SULT4A1: variants seen among roughly 807,000 people sequenced by gnomAD.
SULT4A1 encodes sulfotransferase family 4A member 1.
In SULT4A1, 11 loss-of-function variants were observed where a neutral mutation model predicts 35.2. That is an observed-to-expected ratio of 0.31 (90% CI 0.20 to 0.52). The LOEUF (loss-of-function observed/expected upper bound fraction) is 0.52. Ranked by LOEUF, SULT4A1 falls within the 20% of genes least tolerant of loss-of-function variation. SULT4A1 has a pLI of 0.97. For synonymous variants in SULT4A1, 152 were observed against 151.8 expected (o/e 1.00, Z -0.01); for missense variants, 271 against 383.7 (o/e 0.71, Z 2.45).
intron 1 of SULT4A1, among the ~76,000 whole-genome samples, chr22:43,847,472 C>T (rs1035853165): frequency 1.3e-5 from 2 of 152,252 alleles, no homozygotes; most frequent in Non-Finnish European, 2.9e-5. Context: ...CTGGTGGTGC[C>T]CTTGGGCATG....
intron 1 of SULT4A1, among the ~76,000 whole-genome samples, chr22:43,859,469 T>C (rs1270981585): frequency 1.3e-5 from 2 of 152,258 alleles, no homozygotes; most frequent in African/African-American, 4.8e-5. Flanking sequence ...TCCATGACTT[T>C]GGGGCTGTGC....
intron 1 of SULT4A1, among the ~76,000 whole-genome samples, chr22:43,857,050 T>A (rs371948675): frequency 6.6e-6 from 1 of 152,072 alleles, no homozygotes; most frequent in Non-Finnish European, 1.5e-5. Flanking sequence ...AAGGAAAAGA[T>A]GGACAACACA....
At chr22:43,842,800 G>T (rs980140299) in intron 1 of SULT4A1, among the ~76,000 whole-genome samples, 1 of 152,172 alleles carries the variant, frequency 6.6e-6, no homozygotes, top group African/African-American at 2.4e-5. Context: ...AGGCGATTCC[G>T]GGGTCTAGAG....
chr22:43,828,774 G>A (rs1054937041), intron 6 of SULT4A1: 5 of 388,296 alleles, frequency 1.3e-5, no homozygotes, highest in Non-Finnish European at 2.3e-5. Flanking sequence ...ACTCCCTGCT[G>A]AGAAACATCC....
intron 5 of SULT4A1, among the ~76,000 whole-genome samples, chr22:43,832,592 A>C (rs1373705321): frequency 6.8e-6 from 1 of 146,384 alleles, no homozygotes; most frequent in African/African-American, 2.5e-5. Flanking sequence ...ACACACCCCC[A>C]CCCCGGGGCT....
At chr22:43,844,364 C>T (rs927022937) in intron 1 of SULT4A1, among the ~76,000 whole-genome samples, 1 of 152,150 alleles carries the variant, frequency 6.6e-6, no homozygotes, top group African/African-American at 2.4e-5. Context: ...CTCGTGTGTG[C>T]TGAGGACACC....
At chr22:43,840,441 G>A (rs987581192) in intron 2 of SULT4A1, among the ~76,000 whole-genome samples, 2 of 152,124 alleles carry the variant, frequency 1.3e-5, no homozygotes, top group African/African-American at 2.4e-5. Context: ...TTGGAGACAT[G>A]AGCACACCCC....
Position 43,839,084 on chromosome 22 carries a change from T to A in SULT4A1, c.382-91A>T, listed in dbSNP as rs544439911. On this transcript the variant is annotated intron_variant, in intron 3 of 6. Coordinates refer to ENST00000330884, the MANE Select transcript of SULT4A1 (RefSeq NM_014351.4). ...AGGCCAGCCTCCCTGAACCTGCTGGTGCACCTCACAAACCAACACCTGCTT... is the reference window on the plus strand; with the variant it reads ...AGGCCAGCCTCCCTGAACCTGCTGGAGCACCTCACAAACCAACACCTGCTT... 6 of 1,537,916 alleles carry A rather than the reference T, an allele frequency of 3.9e-6. No homozygotes were observed. The South Asian group carries it at 7.0e-5, about 18-fold the overall frequency.
Position 43,837,518 on chromosome 22 carries a change from AT to A in SULT4A1, c.508+1348del, listed in dbSNP as rs2063387115. On this transcript the variant is annotated intron_variant, in intron 4 of 6. Transcript: ENST00000330884. ...GAGCAGGTGCCAGGGCCAAGAGGCC[AT>A]GGGAAGAGGGGCTGGACAGAAGGCC... is the stretch of plus-strand genomic sequence containing the variant. Among the ~76,000 whole-genome samples, 3 of 152,302 alleles carry A rather than the reference AT, an allele frequency of 2.0e-5. No individual in the cohort carries two copies. The South Asian group carries it at 6.2e-4, about 32-fold the overall frequency.
At chr22:43,839,156 C>T (rs1425157936) in intron 3 of SULT4A1, among the ~76,000 whole-genome samples, 163 bp from the exon 4 acceptor site, 1 of 152,270 alleles carries the variant, frequency 6.6e-6, no homozygotes, top group African/African-American at 2.4e-5. Context: ...GGTGCTGCTG[C>T]TTCGCTGTTT....
At chr22:43,853,940 A>G (rs1053136615) in intron 1 of SULT4A1, among the ~76,000 whole-genome samples, 7 of 151,958 alleles carry the variant, frequency 4.6e-5, no homozygotes, top group Non-Finnish European at 1.0e-4. Flanking sequence ...AGGCTTTTGT[A>G]AAAAAACAGC....
intron 6 of SULT4A1, 130 bp downstream of exon 6, chr22:43,828,930 C>CA: frequency 9.4e-7 from 1 of 1,060,054 alleles, no homozygotes; most frequent in Non-Finnish European, 1.3e-6. Flanking sequence ...GGCCATGGGC[C>CA]AGCTACAGAC....
intron 5 of SULT4A1, among the ~76,000 whole-genome samples, chr22:43,829,710 C>A (rs1318709727): frequency 2.6e-5 from 4 of 152,198 alleles, no homozygotes; most frequent in Non-Finnish European, 5.9e-5. Context: ...TTTTACCACG[C>A]CTGACAGCGG....
intron 1 of SULT4A1, among the ~76,000 whole-genome samples, chr22:43,843,288 G>A (rs917125369): frequency 5.3e-5 from 8 of 152,176 alleles, no homozygotes; most frequent in African/African-American, 1.9e-4. Context: ...TGGGCATAGT[G>A]GCATACATCT....
intron 1 of SULT4A1, among the ~76,000 whole-genome samples, chr22:43,860,636 C>T (rs1382326030): frequency 6.6e-6 from 1 of 152,114 alleles, no homozygotes; most frequent in East Asian, 1.9e-4. Context: ...AGCACTGATG[C>T]CTGCTACAAA....
At chr22:43,842,224 G>T (rs1415894763) in intron 1 of SULT4A1, among the ~76,000 whole-genome samples, 1 of 152,218 alleles carries the variant, frequency 6.6e-6, no homozygotes, top group Non-Finnish European at 1.5e-5. Flanking sequence ...CTCAGGGGCT[G>T]TAACAGGTGG....
At chr22:43,856,648 A>C (rs2049403955) in intron 1 of SULT4A1, among the ~76,000 whole-genome samples, 1 of 152,214 alleles carries the variant, frequency 6.6e-6, no homozygotes. Flanking sequence ...AGGAAGACCA[A>C]AAGGTGGAGG....
rs946931408 is a variant in SULT4A1, at chr22:43,826,946, C to G, written c.743-833G>C. The G allele has an allele frequency of 3.3e-5, 33 of 985,440 alleles. No homozygotes were observed. The Admixed American group carries it at 2.0e-3, about 59-fold the overall frequency. The allele number at this position is 985,440 out of a possible 1,614,324, so 61.0% of individuals were successfully genotyped here. A position where few individuals can be genotyped will look rare whatever the true frequency, so the allele number is the denominator to read the frequency against. ...TGTGGGATAAACTGCAGGCACCGGTCTACGCTGGTTTATGAAGGCTTTGGA... is the reference window on the plus strand; with the variant it reads ...TGTGGGATAAACTGCAGGCACCGGTGTACGCTGGTTTATGAAGGCTTTGGA... On this transcript the variant is annotated intron_variant, in intron 6 of 6. Coordinates refer to ENST00000330884, the MANE Select transcript of SULT4A1 (RefSeq NM_014351.4).
At chr22:43,852,921 C>A (rs2049358108) in intron 1 of SULT4A1, among the ~76,000 whole-genome samples, 1 of 152,022 alleles carries the variant, frequency 6.6e-6, no homozygotes, top group Non-Finnish European at 1.5e-5. Flanking sequence ...CAGGACCACA[C>A]AAGTTCAGGG....
Sources: allele counts gnomAD v4.1 joint callset (sites outside exome capture counted in the v4.1 genomes callset), GRCh38; gene constraint gnomAD v4.1.1; transcripts MANE v1.5; gene names NCBI Gene and HGNC (gene_info 2026-07-23, HGNC 2026-07-21).